Variants in RAI14 observed in about 807,000 individuals in gnomAD.
The protein encoded by RAI14 is retinoic acid induced 14, also known as ankycorbin.
RAI14 carries 45 observed loss-of-function variants against 115.4 expected under a neutral mutation model. That is an observed-to-expected ratio of 0.39 (90% CI 0.31 to 0.50). RAI14 has a LOEUF of 0.50. RAI14 is among the 20% of genes least tolerant of loss of function. RAI14 has a pLI of 0.85. For missense variants in RAI14, 939 were observed against 1,131.2 expected (o/e 0.83, Z 2.44); for synonymous variants, 371 against 415.4 (o/e 0.89, Z 1.30).
chr5:34,705,557 T>A (rs1740609312), intron 2 of RAI14, among the ~76,000 whole-genome samples: 1 of 152,190 alleles, frequency 6.6e-6, no homozygotes, highest in South Asian at 2.1e-4. Context: ...GCTCTCTTAA[T>A]TAACATAAAC....
chr5:34,824,063 C>T lies in RAI14; in HGVS notation c.2221C>T (p.Arg741Trp), dbSNP rs370210803. ...ACATTTGCAAGTGATAACCACGCTG[C>T]GGACTGCAGCAAAAGAGATGGAAGA... ...TEHLQVITTL[R>W]TAAKEMEEKI... is the part of the protein sequence containing the mutation. The change falls in exon 15 of 18, where the codon CGG (arginine) becomes TGG (tryptophan). Residue 741 changes from arginine (R) to tryptophan (W), a missense_variant. Physicochemically the swap from Arg to Trp is moderately radical, Grantham distance 101. Transcript: ENST00000265109. 79 of 1,613,960 alleles carry T rather than the reference C, an allele frequency of 4.9e-5. No homozygotes were observed. In the East Asian group the frequency reaches 1.0e-3, roughly 21 times the overall value.
intron 2 of RAI14, among the ~76,000 whole-genome samples, chr5:34,747,771 A>G (rs1746477689): frequency 6.6e-6 from 1 of 152,200 alleles, no homozygotes; most frequent in South Asian, 2.1e-4. Flanking sequence ...GAAATGAGAA[A>G]AACAAAGCCT....
At chr5:34,709,451 T>C (rs1463395884) in intron 2 of RAI14, among the ~76,000 whole-genome samples, 3 of 151,818 alleles carry the variant, frequency 2.0e-5, no homozygotes, top group African/African-American at 7.3e-5. Context: ...GGTCTCCAAT[T>C]AAAAAAAAGA....
chr5:34,673,346 G>A (rs1743750129), intron 1 of RAI14, among the ~76,000 whole-genome samples: 1 of 152,166 alleles, frequency 6.6e-6, no homozygotes, highest in Admixed American at 6.5e-5. Context: ...CACAAGCAGT[G>A]AATAGCCAAA....
rs141320132 is a variant in RAI14 at position 34,793,366 on chromosome 5, C to T, written c.168-2573C>T. Among the ~76,000 whole-genome samples, 831 of 152,248 alleles carry T rather than the reference C, an allele frequency of 5.5e-3. 6 individuals are homozygous for T. The highest frequency in any genetic ancestry group is 0.01 in the Middle Eastern group (3 of 294). On this transcript the variant is annotated intron_variant, in intron 3 of 17. Coordinates refer to ENST00000265109, the MANE Select transcript of RAI14 (RefSeq NM_015577.3). Reference sequence around the variant, plus strand: ...GTCAGATGGTCTGCAGTTCCAGCCACCCATAAAAGACTATGTAATCCAGAG... The same window carrying T: ...GTCAGATGGTCTGCAGTTCCAGCCATCCATAAAAGACTATGTAATCCAGAG...
intron 2 of RAI14, among the ~76,000 whole-genome samples, chr5:34,695,415 A>G (rs1579935482): frequency 6.6e-6 from 1 of 152,142 alleles, no homozygotes; most frequent in East Asian, 1.9e-4. Context: ...TAACCCAGGA[A>G]CCCCAGCCTT....
At chr5:34,784,094 C>T (rs539832047) in intron 3 of RAI14, among the ~76,000 whole-genome samples, 24 of 152,298 alleles carry the variant, frequency 1.6e-4, no homozygotes, top group African/African-American at 3.4e-4. Context: ...GCAAGTTGGG[C>T]GTCGCTGGAT....
chr5:34,823,324 G>C lies in RAI14; in HGVS notation c.1482G>C (p.Glu494Asp). ...KLKETQSKYE[E>D]AMKEVLSVQK... ...AAGAAACTCAGAGCAAATACGAGGAGGCTATGAAAGAAGTCCTTAGTGTGC... is the reference window on the plus strand; with the variant it reads ...AAGAAACTCAGAGCAAATACGAGGACGCTATGAAAGAAGTCCTTAGTGTGC... The change falls in exon 15 of 18, where the codon GAG becomes GAC. Residue 494 changes from glutamate (E) to aspartate (D), a missense_variant. Transcript: ENST00000265109. This position sits in a 1 kb window ranked among gnomAD's most constrained non-coding sequence, Gnocchi z 4.5. The C allele has an allele frequency of 6.2e-7, 1 of 1,613,974 alleles. No individual in the cohort carries two copies. The highest frequency in any genetic ancestry group is 8.5e-7 in the Non-Finnish European group (1 of 1,180,012).
intron 2 of RAI14, among the ~76,000 whole-genome samples, chr5:34,695,389 G>A (rs1261161219): frequency 3.9e-5 from 6 of 152,214 alleles, no homozygotes; most frequent in African/African-American, 9.6e-5. Flanking sequence ...CAGTGGGGCA[G>A]CTCTGCTCCA....
At chr5:34,741,629 G>A (rs1005605420) in intron 2 of RAI14, among the ~76,000 whole-genome samples, 3 of 152,200 alleles carry the variant, frequency 2.0e-5, no homozygotes, top group African/African-American at 7.2e-5. Context: ...TATATGGCAT[G>A]GCCCAGAGGG....
At chr5:34,660,683 G>A (rs985756026) in intron 1 of RAI14, among the ~76,000 whole-genome samples, 2 of 151,948 alleles carry the variant, frequency 1.3e-5, no homozygotes, top group African/African-American at 2.4e-5. Context: ...TGTTAGTGAC[G>A]CATTTTTACC....
Position 34,824,120 on chromosome 5 carries a change from A to G in RAI14, c.2278A>G (p.Ser760Gly). The stretch of plus-strand genomic sequence containing the variant: ...AAGCAATCTTAAGGAACACCTTGCA[A>G]GCAAGGAAGTGGAAGTAGCAAAGCT... ...KISNLKEHLA[S>G]KEVEVAKLEK... The change falls in exon 15 of 18, where the codon AGC (serine) becomes GGC (glycine). Residue 760 changes from serine (S) to glycine (G), a missense_variant. Transcript: ENST00000265109. The G allele has an allele frequency of 6.2e-7, 1 of 1,614,014 alleles. No homozygotes were observed. Among genetic ancestry groups the G allele is most frequent in the Admixed American group, 1.7e-5 (1 of 60,028 alleles).
intron 13 of RAI14, among the ~76,000 whole-genome samples, chr5:34,819,841 G>A (rs558355245): frequency 6.6e-6 from 1 of 152,004 alleles, no homozygotes; most frequent in Admixed American, 6.6e-5. Context: ...GAGCTCAAGC[G>A]ATCCTCCCAC....
chr5:34,811,283 T>C (rs1388612257), intron 8 of RAI14, among the ~76,000 whole-genome samples, 165 bp downstream of exon 8: 1 of 152,238 alleles, frequency 6.6e-6, no homozygotes, highest in African/African-American at 2.4e-5. Flanking sequence ...CTATGTTGAC[T>C]TTAAAGCAAT....
chr5:34,677,678 A>T (rs751950784), intron 1 of RAI14, among the ~76,000 whole-genome samples: 2 of 152,036 alleles, frequency 1.3e-5, no homozygotes, highest in Non-Finnish European at 2.9e-5. Flanking sequence ...GGCTCAAGTG[A>T]TCTTCCCATC....
At chr5:34,829,561 C>T (rs1434894997) in intron 16 of RAI14, among the ~76,000 whole-genome samples, 171 bp from the exon 17 acceptor site, 1 of 152,110 alleles carries the variant, frequency 6.6e-6, no homozygotes, top group African/African-American at 2.4e-5. Flanking sequence ...GACAAGTATT[C>T]AGAAATACAC....
chr5:34,732,756 T>C (rs1356354811), intron 2 of RAI14, among the ~76,000 whole-genome samples: 3 of 146,736 alleles, frequency 2.0e-5, no homozygotes, highest in African/African-American at 7.4e-5. Context: ...CATATATATG[T>C]ATACATATAT....
intron 1 of RAI14, among the ~76,000 whole-genome samples, chr5:34,668,197 G>C (rs1482447203): frequency 2.6e-5 from 4 of 151,982 alleles, no homozygotes; most frequent in African/African-American, 7.3e-5. Flanking sequence ...AGTTCAAGAC[G>C]AGCCTGGCCA....
rs1742352329 is a variant in RAI14 at position 34,719,173 on chromosome 5, C to T, written c.36+32218C>T. ...GATGGGGGCTAATTACCTGGTGGCT[C>T]ATTCCCTCAGCATCTGACGGATAAT... On this transcript the variant is annotated intron_variant, in intron 2 of 17. Coordinates refer to ENST00000265109, the MANE Select transcript of RAI14 (RefSeq NM_015577.3). Among the ~76,000 whole-genome samples the T allele has an allele frequency of 3.9e-5, 6 of 152,338 alleles. No homozygotes were observed. In the South Asian group the frequency reaches 1.2e-3, roughly 32 times the overall value.
Sources: gnomAD v4.1 joint callset for allele counts (sites outside exome capture counted in the v4.1 genomes callset) on GRCh38, gnomAD v4.1.1 for gene constraint, Gnocchi (gnomAD v3.1) non-coding constraint, MANE v1.5 for transcripts, NCBI Gene and HGNC (gene_info 2026-07-23, HGNC 2026-07-21) for gene names.